Variants in TMEM229B observed in about 807,000 individuals in gnomAD.
The protein encoded by TMEM229B is transmembrane protein 229B, also known as chromosome 14 open reading frame 83.
In TMEM229B, 6 loss-of-function variants were observed where a neutral mutation model predicts 13.7. That is an observed-to-expected ratio of 0.44 (90% CI 0.24 to 0.86). TMEM229B has a LOEUF of 0.86. TMEM229B is among the 40% of genes least tolerant of loss of function. The pLI is 0.23. For missense variants in TMEM229B, 170 were observed against 236.0 expected (o/e 0.72, Z 1.83); for synonymous variants, 107 against 102.1 (o/e 1.05, Z -0.29).
Position 67,470,317 on chromosome 14 carries a change from G to A in TMEM229B, c.*3103C>T, listed in dbSNP as rs2030617988. On this transcript the variant is annotated 3_prime_UTR_variant, in exon 3 of 3. Coordinates refer to ENST00000554480, the MANE Select transcript of TMEM229B (RefSeq NM_001348543.2). Reference sequence around the variant, plus strand: ...TTATGTGCACAAATGTGAAAAGGAAGAGACAGAGGGACCAACGGAGACACA... The same window carrying A: ...TTATGTGCACAAATGTGAAAAGGAAAAGACAGAGGGACCAACGGAGACACA... 1 of 152,314 alleles carries A rather than the reference G, an allele frequency of 6.6e-6. No homozygotes were observed. 9.4% of individuals were successfully genotyped at this position (152,314 alleles called of 1,614,324 possible). A position where few individuals can be genotyped will look rare whatever the true frequency, so the allele number is the denominator to read the frequency against.
chr14:67,491,754 T>C (rs889979664), upstream of TMEM229B, among the ~76,000 whole-genome samples: 30 of 152,192 alleles, frequency 2.0e-4, no homozygotes, highest in African/African-American at 7.0e-4. Context: ...AGAAAAGCCC[T>C]GAGCACAAAT....
chr14:67,503,448 A>T (rs2032690764), intron 1 of TMEM229B: 1 of 152,230 alleles, frequency 6.6e-6, no homozygotes, highest in South Asian at 2.1e-4. Context: ...TGTAAAGGCT[A>T]TGGAGAGCTT....
chr14:67,513,868 G>C (rs762173437), intron 1 of TMEM229B, among the ~76,000 whole-genome samples: 1 of 152,162 alleles, frequency 6.6e-6, no homozygotes, highest in Non-Finnish European at 1.5e-5. Context: ...AGAACTGAAG[G>C]CACCTTGTTC....
intron 1 of TMEM229B, among the ~76,000 whole-genome samples, chr14:67,526,124 A>G (rs1365333155): frequency 1.3e-5 from 2 of 152,238 alleles, no homozygotes; most frequent in African/African-American, 4.8e-5. Flanking sequence ...GGACTAGGAA[A>G]TCCAGAACCT....
rs762938323 is a variant in TMEM229B, at chr14:67,498,278, C to T, written c.-191-11106G>A. ...AGACGTTCTATAAGCTTCTGAGCCA[C>T]GATGGGGGGTGGGCAATCACTCTGT... On this transcript the variant is annotated intron_variant, in intron 1 of 2. Coordinates refer to the TMEM229B transcript ENST00000357461. Among the ~76,000 whole-genome samples the T allele has an allele frequency of 3.9e-5, 6 of 152,144 alleles. No homozygotes were observed. The East Asian group carries it at 5.8e-4, about 15-fold the overall frequency.
chr14:67,504,233 C>T (rs138227647), intron 1 of TMEM229B, among the ~76,000 whole-genome samples: 1 of 151,920 alleles, frequency 6.6e-6, no homozygotes, highest in East Asian at 1.9e-4. Context: ...AGGTTGGTCT[C>T]GGACTTCTGA....
At chr14:67,530,292 T>C (rs2033425646) in intron 1 of TMEM229B, among the ~76,000 whole-genome samples, 1 of 152,226 alleles carries the variant, frequency 6.6e-6, no homozygotes, top group Non-Finnish European at 1.5e-5. Context: ...ATTATCATCA[T>C]TATTTTACAA....
rs1276158197 is a variant in TMEM229B, at chr14:67,471,651, T to C, written c.*1769A>G. The C allele has an allele frequency of 6.7e-6, 1 of 150,038 alleles. No individual in the cohort carries two copies. The highest frequency in any genetic ancestry group is 1.5e-5 in the Non-Finnish European group (1 of 66,514). The allele number at this position is 150,038 out of a possible 1,614,324, so 9.3% of individuals were successfully genotyped here. ...CCAGGAAATAGGCTAGGAAATACCC[T>C]TCGTTCTGCTCTGGACGGGGCTAAC... is the stretch of plus-strand genomic sequence containing the variant. On this transcript the variant is annotated 3_prime_UTR_variant, in exon 3 of 3. Coordinates refer to ENST00000554480, the MANE Select transcript of TMEM229B (RefSeq NM_001348543.2).
At chr14:67,533,178 G>C (rs1276584342) in intron 1 of TMEM229B, 1 of 151,880 alleles carries the variant, frequency 6.6e-6, no homozygotes, top group Non-Finnish European at 1.5e-5. Context: ...CGTTGAATGG[G>C]GCGCAGCAAG....
intron 1 of TMEM229B, among the ~76,000 whole-genome samples, chr14:67,502,307 G>A (rs1271493639): frequency 6.6e-6 from 1 of 151,012 alleles, no homozygotes; most frequent in African/African-American, 2.4e-5. Context: ...CTCCAGCCTG[G>A]GCAACAGAGT....
rs376420731 is a variant in TMEM229B at position 67,511,660 on chromosome 14, A to G, written c.-192+3426T>C. 2.0e-4 allele frequency among the ~76,000 whole-genome samples: 30 copies of G among 152,382 alleles called. 1 individual carries two copies. Among genetic ancestry groups the G allele is most frequent in the African/African-American group, 7.0e-4 (29 of 41,592 alleles). On this transcript the variant is annotated intron_variant, in intron 1 of 2. Coordinates refer to the TMEM229B transcript ENST00000357461. ...AAAGGTAAGTGGAAGCACCAAAATC[A>G]GAGGAGGGTGGAAAGTCGCCTTTCA...
intron 2 of TMEM229B, among the ~76,000 whole-genome samples, chr14:67,479,658 C>T (rs183276267): frequency 1.6e-4 from 24 of 152,090 alleles, no homozygotes; most frequent in African/African-American, 5.3e-4. Flanking sequence ...GCGGAGGTTG[C>T]CGTGAGCCGA....
At chr14:67,519,868 G>A (rs960660447), upstream of TMEM229B, among the ~76,000 whole-genome samples, 4 of 152,036 alleles carry the variant, frequency 2.6e-5, no homozygotes, top group Admixed American at 6.5e-5. Context: ...GACTACAGGC[G>A]TACGCCACCA....
chr14:67,486,926 G>A (rs1490107717), intron 2 of TMEM229B, 74 bp downstream of exon 2: 2 of 152,256 alleles, frequency 1.3e-5, no homozygotes, highest in East Asian at 3.9e-4. Flanking sequence ...CCAGACTCGT[G>A]CCCATGCTGA....
upstream of TMEM229B, among the ~76,000 whole-genome samples, chr14:67,492,710 T>C (rs1382694082): frequency 3.3e-5 from 5 of 152,228 alleles, no homozygotes; most frequent in Non-Finnish European, 7.3e-5. Context: ...CCAAGCCACC[T>C]AGAGATTTCT....
chr14:67,527,535 A>G lies in TMEM229B; in HGVS notation c.-192+6101T>C, dbSNP rs943378289. 3.9e-5 allele frequency among the ~76,000 whole-genome samples: 6 copies of G among 152,264 alleles called. No individual in the cohort carries two copies. In the East Asian group the frequency reaches 5.8e-4, roughly 15 times the overall value. On this transcript the variant is annotated intron_variant, in intron 1 of 2. Transcript: ENST00000554278. ...TTAAATGTTTCGATTTTTAATTAGG[A>G]GATTAGAAAGAAAGATTTCATTTGT...
chr14:67,525,399 T>C (rs974203453), intron 1 of TMEM229B, among the ~76,000 whole-genome samples: 1 of 152,250 alleles, frequency 6.6e-6, no homozygotes, highest in Non-Finnish European at 1.5e-5. Context: ...ATTTTCTAGA[T>C]GAATCATAAT....
At chr14:67,509,991 CAGAG>C (rs1403672183) in intron 1 of TMEM229B, among the ~76,000 whole-genome samples, 1 of 151,092 alleles carries the variant, frequency 6.6e-6, no homozygotes, top group African/African-American at 2.4e-5. Flanking sequence ...GCCTGAGCAA[CAGAG>C]AGAGAACCCG....
intron 1 of TMEM229B, among the ~76,000 whole-genome samples, chr14:67,496,945 C>T (rs2032414610): frequency 6.6e-6 from 1 of 151,886 alleles, no homozygotes; most frequent in East Asian, 1.9e-4. Flanking sequence ...TTACAGGTGC[C>T]CGCCACCACA....
Sources: gnomAD v4.1 joint callset for allele counts (sites outside exome capture counted in the v4.1 genomes callset) on GRCh38, gnomAD v4.1.1 for gene constraint, MANE v1.5 for transcripts, NCBI Gene and HGNC (gene_info 2026-07-23, HGNC 2026-07-21) for gene names.